GLRA3: variants seen among roughly 807,000 people sequenced by gnomAD.
GLRA3 encodes glycine receptor subunit alpha-3.
Under a neutral mutation model 60.4 loss-of-function variants are expected in GLRA3, and 44 were observed. That is an observed-to-expected ratio of 0.73 (90% CI 0.57 to 0.94). The LOEUF is 0.94. Among genes scored for constraint, GLRA3 ranks in the 40% least tolerant of loss-of-function variants. GLRA3 has a pLI of 0.00. For missense variants in GLRA3, 508 were observed against 564.6 expected, an observed-to-expected ratio of 0.90 and a Z score of 1.02; for synonymous variants, 223 against 192.9, an observed-to-expected ratio of 1.16 and a Z score of -1.29.
chr4:174,812,525 A>C (rs569794205), intron 1 of GLRA3, among the ~76,000 whole-genome samples: 3 of 152,266 alleles, frequency 2.0e-5, no homozygotes, highest in Non-Finnish European at 2.9e-5. Flanking sequence ...TGGAGAGAGA[A>C]AATGGCATAG....
intron 3 of GLRA3, among the ~76,000 whole-genome samples, chr4:174,751,411 T>C (rs116615899): frequency 6.6e-6 from 1 of 152,086 alleles, no homozygotes; most frequent in Non-Finnish European, 1.5e-5. Context: ...TTGCATCAGA[T>C]GTGGAAGATA....
At chr4:174,688,351 A>T (rs1734636539) in intron 5 of GLRA3, among the ~76,000 whole-genome samples, 1 of 131,578 alleles carries the variant, frequency 7.6e-6, no homozygotes, top group African/African-American at 2.9e-5. Context: ...ATATATATAT[A>T]TATATATATA....
chr4:174,828,416 C>A (rs186170727), intron 1 of GLRA3, among the ~76,000 whole-genome samples: 1 of 152,178 alleles, frequency 6.6e-6, no homozygotes, highest in East Asian at 1.9e-4. Context: ...GAGTAACACC[C>A]AAATTATATA....
intron 5 of GLRA3, among the ~76,000 whole-genome samples, chr4:174,710,999 A>G (rs1381901854): frequency 6.6e-6 from 1 of 151,994 alleles, no homozygotes; most frequent in Non-Finnish European, 1.5e-5. Flanking sequence ...TTGTAACTTA[A>G]CATCAAGTTT....
intron 9 of GLRA3, among the ~76,000 whole-genome samples, chr4:174,645,464 T>C (rs1385341142): frequency 6.7e-6 from 1 of 149,880 alleles, no homozygotes; most frequent in Admixed American, 6.6e-5. Flanking sequence ...TCTGTGAAAG[T>C]AGCTCCTCAA....
intron 3 of GLRA3, among the ~76,000 whole-genome samples, chr4:174,747,877 C>CAT (rs1328219443): frequency 6.6e-6 from 1 of 152,064 alleles, no homozygotes; most frequent in Non-Finnish European, 1.5e-5. Context: ...AACATTATAG[C>CAT]ATATATATAT....
Position 174,643,708 on chromosome 4 carries a change from A to T in GLRA3, c.*78T>A, listed in dbSNP as rs1401380141. ...TGGTCATCATTTGTATACCACACGC[A>T]CACATATACACATACACACCTATGG... On this transcript the variant is annotated 3_prime_UTR_variant, in exon 10 of 10. Transcript: ENST00000274093. 6.6e-7 allele frequency: 1 copy of T among 1,517,228 alleles called. No homozygotes were observed. The highest frequency in any genetic ancestry group is 8.8e-7 in the Non-Finnish European group (1 of 1,133,192). 94.0% of individuals were successfully genotyped at this position (1,517,228 alleles called of 1,614,324 possible). A position where few individuals can be genotyped will look rare whatever the true frequency, so the allele number is the denominator to read the frequency against.
intron 2 of GLRA3, among the ~76,000 whole-genome samples, chr4:174,773,131 G>A (rs955373891): frequency 2.0e-5 from 3 of 152,154 alleles, no homozygotes; most frequent in East Asian, 3.9e-4. Context: ...CTACTTCTCT[G>A]TGCCAATGCA....
intron 3 of GLRA3, among the ~76,000 whole-genome samples, chr4:174,743,290 C>A (rs1250389420): frequency 3.3e-5 from 5 of 152,076 alleles, no homozygotes; most frequent in Non-Finnish European, 7.4e-5. Context: ...ATCTAATATC[C>A]TCTAATATCC....
chr4:174,807,183 A>G (rs1346560119), intron 1 of GLRA3, among the ~76,000 whole-genome samples: 1 of 152,038 alleles, frequency 6.6e-6, no homozygotes, highest in Admixed American at 6.6e-5. Flanking sequence ...TGTAGCAATA[A>G]TCAATCTACT....
At chr4:174,783,045 A>C (rs927687396) in intron 2 of GLRA3, among the ~76,000 whole-genome samples, 1 of 152,268 alleles carries the variant, frequency 6.6e-6, no homozygotes, top group African/African-American at 2.4e-5. Context: ...AGCTGGAAGC[A>C]TCACACGACC....
At chr4:174,776,689 T>C (rs1397375305) in intron 2 of GLRA3, among the ~76,000 whole-genome samples, 1 of 152,134 alleles carries the variant, frequency 6.6e-6, no homozygotes, top group East Asian at 1.9e-4. Context: ...TCGTTAGTGT[T>C]GAGGGTGAAC....
At chr4:174,681,948 T>C (rs1244742442) in intron 6 of GLRA3, among the ~76,000 whole-genome samples, 2 of 152,162 alleles carry the variant, frequency 1.3e-5, no homozygotes, top group Non-Finnish European at 2.9e-5. Flanking sequence ...TGATCCGATA[T>C]TGTGAATTTG....
intron 7 of GLRA3, among the ~76,000 whole-genome samples, chr4:174,667,503 C>T (rs1350658732): frequency 6.6e-5 from 10 of 151,938 alleles, no homozygotes. Context: ...AAGAAATGTC[C>T]CCTGATTTTC....
chr4:174,751,455 G>C (rs1256310371), intron 3 of GLRA3, among the ~76,000 whole-genome samples: 2 of 152,064 alleles, frequency 1.3e-5, no homozygotes, highest in African/African-American at 4.8e-5. Flanking sequence ...TTTATAATTA[G>C]TACACGTGTT....
intron 1 of GLRA3, among the ~76,000 whole-genome samples, chr4:174,821,341 C>T (rs1223934343): frequency 6.6e-6 from 1 of 152,024 alleles, no homozygotes; most frequent in Non-Finnish European, 1.5e-5. Context: ...TAAAAAGCTG[C>T]AAAGCCCTAG....
chr4:174,679,066 C>G lies in GLRA3; in HGVS notation c.713-1774G>C, dbSNP rs79301977. Among the ~76,000 whole-genome samples the G allele has an allele frequency of 1.7e-4, 26 of 152,088 alleles. No homozygotes were observed. In the East Asian group the frequency reaches 5.0e-3, roughly 29 times the overall value. On this transcript the variant is annotated intron_variant, in intron 6 of 9. Coordinates refer to ENST00000274093, the MANE Select transcript of GLRA3 (RefSeq NM_006529.4). ...ATCAGAAAAATGCAAATCAAAACCACAATAAGTGCAATCCCAGCACTTTGG... is the reference window on the plus strand; with the variant it reads ...ATCAGAAAAATGCAAATCAAAACCAGAATAAGTGCAATCCCAGCACTTTGG...
At chr4:174,720,306 T>C (rs1328902276) in intron 4 of GLRA3, among the ~76,000 whole-genome samples, 1 of 152,140 alleles carries the variant, frequency 6.6e-6, no homozygotes, top group Non-Finnish European at 1.5e-5. Flanking sequence ...GCAGTACAGG[T>C]TTATGGATTC....
At chr4:174,673,358 A>C (rs2110940650) in intron 7 of GLRA3, among the ~76,000 whole-genome samples, 1 of 152,264 alleles carries the variant, frequency 6.6e-6, no homozygotes, top group African/African-American at 2.4e-5. Flanking sequence ...ATTGAAATCA[A>C]ATTTATACTA....
Sources: allele counts gnomAD v4.1 joint callset (sites outside exome capture counted in the v4.1 genomes callset), GRCh38; gene constraint gnomAD v4.1.1; transcripts MANE v1.5; gene names NCBI Gene and HGNC (gene_info 2026-07-23, HGNC 2026-07-21).